MTMR1: variants seen among roughly 807,000 people sequenced by gnomAD.
MTMR1 encodes phosphatidylinositol-3-phosphate phosphatase MTMR1.
A neutral mutation model predicts 51.6 loss-of-function variants in MTMR1; 17 were observed. The ratio of observed to expected loss-of-function variants is 0.33; its 90% CI spans 0.23 to 0.49. The LOEUF is 0.49. Ranked by LOEUF, MTMR1 falls within the 20% of genes least tolerant of loss-of-function variation. The pLI, the probability that MTMR1 is intolerant of heterozygous loss-of-function variation, is 0.99. For missense variants in MTMR1, 386 were observed against 526.9 expected, an observed-to-expected ratio of 0.73 and a Z score of 2.62; for synonymous variants, 201 against 205.6, an observed-to-expected ratio of 0.98 and a Z score of 0.19.
intron 10 of MTMR1, among the ~76,000 whole-genome samples, chrX:150,733,198 TA>T (rs2042166368): frequency 9.0e-6 from 1 of 111,467 alleles, no homozygotes; most frequent in Non-Finnish European, 1.9e-5. Flanking sequence ...GAGACATGGT[TA>T]AAAACACCTC....
chrX:150,702,185 A>G (rs782312587), intron 2 of MTMR1, among the ~76,000 whole-genome samples: 2 of 107,312 alleles, frequency 1.9e-5, no homozygotes, highest in Non-Finnish European at 3.9e-5. Context: ...GCCTCCCAAA[A>G]TGCTGGGATT....
intron 13 of MTMR1, among the ~76,000 whole-genome samples, chrX:150,747,287 CA>C (rs1234641900): frequency 9.4e-6 from 1 of 105,963 alleles, no homozygotes; most frequent in Middle Eastern, 4.8e-3. Context: ...CCCATCTCTT[CA>C]AAAAAAAAAT....
In MTMR1 at chrX:150,714,672, A is replaced by T. The variant is rs782716890; in HGVS notation, c.276+2307A>T. On this transcript the variant is annotated intron_variant, in intron 3 of 15. Coordinates refer to ENST00000445323, the MANE Select transcript of MTMR1 (RefSeq NM_001306144.3). ...GTGCCCTCCTGTCCAAATTTGGTAGATTCCATATGACATTATTTGCAAAAA... is the reference window on the plus strand; with the variant it reads ...GTGCCCTCCTGTCCAAATTTGGTAGTTTCCATATGACATTATTTGCAAAAA... 11 of 305,271 alleles carry T rather than the reference A, an allele frequency of 3.6e-5. No homozygotes were observed. In the South Asian group the frequency reaches 4.9e-4, roughly 14 times the overall value. 25.2% of individuals were successfully genotyped at this position (305,271 alleles called of 1,213,427 possible). A position where few individuals can be genotyped will look rare whatever the true frequency, so the allele number is the denominator to read the frequency against.
chrX:150,735,752 A>G (rs1557417138), intron 10 of MTMR1: 1 of 300,807 alleles, frequency 3.3e-6, no homozygotes, highest in Admixed American at 6.2e-5. Context: ...AAATCAAGCT[A>G]ATTAACACAC....
At chrX:150,701,399 A>C (rs2040901700) in intron 2 of MTMR1, among the ~76,000 whole-genome samples, 1 of 112,293 alleles carries the variant, frequency 8.9e-6, no homozygotes, top group African/African-American at 3.2e-5. Flanking sequence ...TGCAGTCATC[A>C]GCTGATATTT....
At chrX:150,717,392 A>T (rs942315425) in intron 3 of MTMR1, among the ~76,000 whole-genome samples, 1 of 108,921 alleles carries the variant, frequency 9.2e-6, no homozygotes, top group African/African-American at 3.3e-5. Context: ...AGGAGAAGAA[A>T]AAAAGCAGCT....
chrX:150,747,365 G>A (rs2042603405), intron 13 of MTMR1, among the ~76,000 whole-genome samples: 2 of 111,036 alleles, frequency 1.8e-5, no homozygotes, highest in Non-Finnish European at 3.8e-5. Context: ...TGAGGCAGGA[G>A]GATTGCTTGA....
chrX:150,714,158 A>T (rs189191418), intron 3 of MTMR1, among the ~76,000 whole-genome samples: 1 of 112,019 alleles, frequency 8.9e-6, no homozygotes, highest in East Asian at 2.8e-4. Context: ...TCTTTGCTAT[A>T]TGCTGTCTAT....
intron 4 of MTMR1, among the ~76,000 whole-genome samples, chrX:150,726,537 G>T (rs1264400450): frequency 5.4e-5 from 6 of 111,865 alleles, no homozygotes; most frequent in Non-Finnish European, 1.1e-4. Flanking sequence ...GTTCAATGAC[G>T]TTAATGCCTT....
At chrX:150,698,678 GCGCACACACACACA>G (rs1487573862) in intron 1 of MTMR1, among the ~76,000 whole-genome samples, 23 of 70,805 alleles carry the variant, frequency 3.2e-4, no homozygotes, top group South Asian at 9.1e-4. Flanking sequence ...CTACACGCGC[GCGCACACACACACA>G]CACACACACA....
At position 150,764,866 on chromosome X, in the gene MTMR1, ATT is replaced by A. The variant is rs1377130423; in HGVS notation, c.*2139_*2140del. On this transcript the variant is annotated 3_prime_UTR_variant, in exon 16 of 16. Transcript: ENST00000445323. ...TTTTTAAAAACTGGTACAGTATTGT[ATT>A]TGTCTCATCTGTTGCACTGTATTTC... 3 of 112,486 alleles carry A rather than the reference ATT, an allele frequency of 2.7e-5. No individual in the cohort carries two copies. Among genetic ancestry groups the A allele is most frequent in the African/African-American group, 9.7e-5 (3 of 30,934 alleles). 9.3% of individuals were successfully genotyped at this position (112,486 alleles called of 1,213,427 possible). A position where few individuals can be genotyped will look rare whatever the true frequency, so the allele number is the denominator to read the frequency against.
At chrX:150,748,679 CA>C (rs34588866) in intron 13 of MTMR1, among the ~76,000 whole-genome samples, 26,402 of 106,210 alleles carry the variant, frequency 0.25, 2,771 homozygotes, top group South Asian at 0.46. Flanking sequence ...AAACAAAAAA[CA>C]AAAAAAAACT....
chrX:150,695,993 C>G (rs1249172229), intron 1 of MTMR1, among the ~76,000 whole-genome samples: 1 of 111,796 alleles, frequency 8.9e-6, no homozygotes, highest in Non-Finnish European at 1.9e-5. Context: ...GGCCGGATAA[C>G]TGGCTGTGCT....
At position 150,747,873 on chromosome X, in the gene MTMR1, G is replaced by A. The variant is rs367691482; in HGVS notation, c.1567-2857G>A. Among the ~76,000 whole-genome samples the A allele has an allele frequency of 3.0e-4, 33 of 111,699 alleles. 2 individuals carry two copies. The East Asian group carries it at 7.0e-3, about 24-fold the overall frequency. On this transcript the variant is annotated intron_variant, in intron 13 of 15. Coordinates refer to ENST00000445323, the MANE Select transcript of MTMR1 (RefSeq NM_001306144.3). ...CCCAAATCTACAATGCAGGCTCAGG[G>A]GCTAGGAATGAAGACTCATTGTCAT... is the stretch of plus-strand genomic sequence containing the variant.
chrX:150,702,173 C>T (rs782665582), intron 2 of MTMR1, among the ~76,000 whole-genome samples: 4 of 106,486 alleles, frequency 3.8e-5, no homozygotes, highest in South Asian at 8.6e-4. Context: ...CCTCCCATCT[C>T]GGCCTCCCAA....
At chrX:150,734,464 C>G (rs1557417092) in intron 10 of MTMR1, among the ~76,000 whole-genome samples, 1 of 112,595 alleles carries the variant, frequency 8.9e-6, no homozygotes, top group African/African-American at 3.2e-5. Flanking sequence ...CCCTTGCTCC[C>G]CACATCTGGA....
chrX:150,728,767 C>A (rs1332443423), intron 6 of MTMR1, among the ~76,000 whole-genome samples: 2 of 110,617 alleles, frequency 1.8e-5, no homozygotes, highest in African/African-American at 6.6e-5. Flanking sequence ...AGCGCCCCTT[C>A]CAAATTTTGG....
chrX:150,752,817 T>A (rs1363689282), intron 14 of MTMR1, among the ~76,000 whole-genome samples: 1 of 110,949 alleles, frequency 9.0e-6, no homozygotes, highest in African/African-American at 3.3e-5. Flanking sequence ...TTATTTCTAT[T>A]TTTTGTAGCG....
At chrX:150,761,640 T>A (rs1216740092) in intron 15 of MTMR1, among the ~76,000 whole-genome samples, 1 of 112,558 alleles carries the variant, frequency 8.9e-6, no homozygotes, top group Non-Finnish European at 1.9e-5. Context: ...TGTTTACACA[T>A]GGGATCAGAG....
Sources: gnomAD v4.1 joint callset for allele counts (sites outside exome capture counted in the v4.1 genomes callset) on GRCh38, gnomAD v4.1.1 for gene constraint, MANE v1.5 for transcripts, NCBI Gene and HGNC (gene_info 2026-07-23, HGNC 2026-07-21) for gene names.